The following NRG3 variants were observed in gnomAD, a reference collection of about 807,000 sequenced individuals.
NRG3 encodes neuregulin 3.
A neutral mutation model predicts 66.9 loss-of-function variants in NRG3; 31 were observed. The ratio of observed to expected loss-of-function variants is 0.46; its 90% CI spans 0.35 to 0.63. The LOEUF is 0.63. Ranked by LOEUF, NRG3 falls within the 20% of genes least tolerant of loss-of-function variation. NRG3 has a pLI of 0.00. For synonymous variants in NRG3, 393 were observed against 359.4 expected (o/e 1.09, Z -1.06); for missense variants, 910 against 878.9 (o/e 1.04, Z -0.45).
chr10:82,327,408 G>C (rs982208460), intron 1 of NRG3, among the ~76,000 whole-genome samples: 13 of 152,178 alleles, frequency 8.5e-5, no homozygotes, highest in African/African-American at 7.2e-5. Flanking sequence ...ACAATCAAGA[G>C]AGTCTGAGAA....
intron 2 of NRG3, among the ~76,000 whole-genome samples, chr10:82,552,909 C>G (rs1304267945): frequency 6.6e-6 from 1 of 152,016 alleles, no homozygotes; most frequent in Admixed American, 6.6e-5. Flanking sequence ...TATTGTCCTT[C>G]CCATGGAGTG....
intron 1 of NRG3, among the ~76,000 whole-genome samples, chr10:81,945,383 C>T (rs1354371418): frequency 1.3e-5 from 2 of 152,006 alleles, no homozygotes; most frequent in Admixed American, 1.3e-4. Context: ...ACTGTTAATG[C>T]TTGGTTCACT....
chr10:82,775,326 T>C (rs576735596), intron 3 of NRG3, among the ~76,000 whole-genome samples: 2 of 152,224 alleles, frequency 1.3e-5, no homozygotes, highest in Admixed American at 6.5e-5. Context: ...TTTGACTCAA[T>C]AATTTTTTGT....
chr10:82,955,318 T>TA (rs1318460891), intron 5 of NRG3: 2 of 151,922 alleles, frequency 1.3e-5, no homozygotes, highest in African/African-American at 4.9e-5. Context: ...ATAGCAACTC[T>TA]AAAAAACAGT....
chr10:82,200,386 AT>A (rs1330041843), intron 1 of NRG3, among the ~76,000 whole-genome samples: 1 of 152,156 alleles, frequency 6.6e-6, no homozygotes, highest in African/African-American at 2.4e-5. Flanking sequence ...AGATGCACAT[AT>A]TTGTTGAATT....
At chr10:82,601,349 T>C (rs1432914447) in intron 2 of NRG3, among the ~76,000 whole-genome samples, 1 of 152,244 alleles carries the variant, frequency 6.6e-6, no homozygotes, top group Non-Finnish European at 1.5e-5. Context: ...ACTACTGATA[T>C]TTGTAATGTT....
intron 3 of NRG3, among the ~76,000 whole-genome samples, chr10:82,786,357 T>G (rs2060363036): frequency 6.6e-6 from 1 of 152,210 alleles, no homozygotes. Flanking sequence ...CAACACAGAT[T>G]ATTGTCTAGT....
chr10:82,781,871 A>G lies in NRG3; in HGVS notation c.1027+43221A>G, dbSNP rs149438269. The stretch of plus-strand genomic sequence containing the variant: ...TTCCTGTTATTTAAAGAAAGGGAAA[A>G]TGGGTCCATCAGGACCAAAAAAAAA... On this transcript the variant is annotated intron_variant, in intron 3 of 8. Coordinates refer to ENST00000372141, the MANE Select transcript of NRG3 (RefSeq NM_001010848.4). Among the ~76,000 whole-genome samples, 307 of 152,108 alleles carry G rather than the reference A, an allele frequency of 2.0e-3. 1 individual carries two copies. Among genetic ancestry groups the G allele is most frequent in the Admixed American group, 5.9e-3 (90 of 15,264 alleles).
At chr10:82,758,113 AAG>A (rs1255247925) in intron 3 of NRG3, among the ~76,000 whole-genome samples, 1 of 152,082 alleles carries the variant, frequency 6.6e-6, no homozygotes, top group African/African-American at 2.4e-5. Context: ...GTTGAGGTAG[AAG>A]AGAGATTGCT....
In NRG3 at chr10:82,397,851, C is replaced by T. The variant is rs73310895; in HGVS notation, c.953+38983C>T. On this transcript the variant is annotated intron_variant, in intron 2 of 8. Transcript: ENST00000372141. ...TTTAATGAGAGCCATCTTATCCCAG[C>T]GAGTAAAAGGCAAATACCAGCTGCC... is the stretch of plus-strand genomic sequence containing the variant. 5.5e-3 allele frequency among the ~76,000 whole-genome samples: 844 copies of T among 152,172 alleles called. 8 individuals carry two copies. Among genetic ancestry groups the T allele is most frequent in the African/African-American group, 0.02 (817 of 41,496 alleles).
At chr10:82,503,129 T>C (rs1209630124) in intron 2 of NRG3, among the ~76,000 whole-genome samples, 1 of 152,240 alleles carries the variant, frequency 6.6e-6, no homozygotes, top group East Asian at 1.9e-4. Flanking sequence ...GGTGTGTCTA[T>C]ATTTTGTACC....
At chr10:82,904,295 G>C (rs1219981738) in intron 4 of NRG3, among the ~76,000 whole-genome samples, 1 of 152,112 alleles carries the variant, frequency 6.6e-6, no homozygotes, top group African/African-American at 2.4e-5. Context: ...ATGTGGCCCA[G>C]GGAAGCCAAA....
intron 1 of NRG3, among the ~76,000 whole-genome samples, chr10:82,214,470 C>T (rs1430037696): frequency 6.6e-6 from 1 of 152,012 alleles, no homozygotes; most frequent in East Asian, 1.9e-4. Flanking sequence ...TCTATTTCCA[C>T]CCCCCGCCCT....
intron 1 of NRG3, among the ~76,000 whole-genome samples, chr10:81,977,149 A>G (rs1183831236): frequency 6.6e-6 from 1 of 152,176 alleles, no homozygotes; most frequent in Non-Finnish European, 1.5e-5. Flanking sequence ...AAGATTGCAC[A>G]CTTGCAGCCT....
chr10:82,305,985 A>T (rs1365727025), intron 1 of NRG3, among the ~76,000 whole-genome samples: 1 of 152,218 alleles, frequency 6.6e-6, no homozygotes, highest in Non-Finnish European at 1.5e-5. Flanking sequence ...GCTGAGAGAG[A>T]TATATTTATC....
intron 3 of NRG3, among the ~76,000 whole-genome samples, chr10:82,834,961 T>A (rs1035738626): frequency 6.6e-6 from 1 of 152,324 alleles, no homozygotes; most frequent in East Asian, 1.9e-4. Context: ...TCCAGATGTG[T>A]TAAGGAATTT....
Position 82,358,739 on chromosome 10 carries a change from A to G in NRG3, c.824A>G (p.His275Arg), listed in dbSNP as rs902859001. 98 of 1,613,986 alleles carry G rather than the reference A, an allele frequency of 6.1e-5. No homozygotes were observed. Among genetic ancestry groups the G allele is most frequent in the Non-Finnish European group, 8.1e-5 (96 of 1,180,000 alleles). The change falls in exon 2 of 9, where the codon CAT becomes CGT. Residue 275 changes from histidine to arginine, a missense_variant and splice_region_variant. Physicochemically the swap from His to Arg is conservative, Grantham distance 29. Coordinates refer to ENST00000372141, the MANE Select transcript of NRG3 (RefSeq NM_001010848.4). Reference sequence around the variant, plus strand: ...TTTCCCCCTGTGCTTTCCCTGACAGATACGACGACATATTCCACAGAGCGA... The same window carrying G: ...TTTCCCCCTGTGCTTTCCCTGACAGGTACGACGACATATTCCACAGAGCGA... ...TPETSTSPKF[H>R]TTTYSTERSE...
In NRG3 at chr10:82,841,166, A is replaced by G. The variant is rs368186176; in HGVS notation, c.1028-24245A>G. ...CCAGGAACACAAAGGATTGCTGCCA[A>G]TAGCCAGAAACTGGAAGAGGCAAGG... On this transcript the variant is annotated intron_variant, in intron 3 of 8. Coordinates refer to ENST00000372141, the MANE Select transcript of NRG3 (RefSeq NM_001010848.4). 3.3e-5 allele frequency among the ~76,000 whole-genome samples: 5 copies of G among 152,180 alleles called. No homozygotes were observed. The East Asian group carries it at 7.7e-4, about 23-fold the overall frequency.
intron 4 of NRG3, among the ~76,000 whole-genome samples, chr10:82,923,373 T>G (rs1296249331): frequency 6.6e-6 from 1 of 152,184 alleles, no homozygotes; most frequent in Admixed American, 6.5e-5. Context: ...TATCTTTCCC[T>G]GCCTTCCAAA....
Sources: gnomAD v4.1 joint callset for allele counts (sites outside exome capture counted in the v4.1 genomes callset) on GRCh38, gnomAD v4.1.1 for gene constraint, MANE v1.5 for transcripts, NCBI Gene and HGNC (gene_info 2026-07-23, HGNC 2026-07-21) for gene names.